Variants in DCAF8L2 observed in about 807,000 individuals in gnomAD.
The protein encoded by DCAF8L2 is DDB1 and CUL4 associated factor 8 like 2.
For missense variants in DCAF8L2, 430 were observed against 490.7 expected (o/e 0.88, Z 1.17); for synonymous variants, 200 against 190.9 (o/e 1.05, Z -0.39).
chrX:27,633,025 G>A (rs1295413179), intron 2 of DCAF8L2: 1 of 111,633 alleles, frequency 9.0e-6, no homozygotes, highest in Non-Finnish European at 1.9e-5. Context: ...AATGAAGTCC[G>A]TATATCTATG....
the DCAF8L2 span, among the ~76,000 whole-genome samples, chrX:27,555,245 A>G: frequency 2.7e-5 from 3 of 112,215 alleles, no homozygotes; most frequent in South Asian, 1.1e-3. Context: ...CAGAGGCCCA[A>G]CAGAAAAAAA....
At chrX:27,620,402 A>G (rs1361419067) in intron 1 of DCAF8L2, among the ~76,000 whole-genome samples, 10 of 112,084 alleles carry the variant, frequency 8.9e-5, no homozygotes, top group African/African-American at 2.6e-4. Flanking sequence ...AAAATTTAGT[A>G]TATCAACAAA....
intron 2 of DCAF8L2, among the ~76,000 whole-genome samples, chrX:27,662,704 A>G (rs1929597831): frequency 8.9e-6 from 1 of 111,779 alleles, no homozygotes; most frequent in African/African-American, 3.2e-5. Flanking sequence ...TTGTTTCAAA[A>G]TAAATGATTT....
chrX:27,632,546 T>C (rs1313172563), intron 2 of DCAF8L2: 1 of 111,610 alleles, frequency 9.0e-6, no homozygotes, highest in African/African-American at 3.3e-5. Flanking sequence ...ACACGAGGCA[T>C]TTTAGGGTCT....
At chrX:27,670,797 A>G (rs1240017034) in intron 2 of DCAF8L2, among the ~76,000 whole-genome samples, 1 of 110,698 alleles carries the variant, frequency 9.0e-6, no homozygotes, top group African/African-American at 3.3e-5. Flanking sequence ...TATTGGAAAG[A>G]GCCTGACCTC....
At chrX:27,623,497 G>T (rs1228580056) in intron 1 of DCAF8L2, among the ~76,000 whole-genome samples, 1 of 110,272 alleles carries the variant, frequency 9.1e-6, no homozygotes, top group Admixed American at 9.7e-5. Context: ...TAAAAGAGAA[G>T]TTTTTGAGGG....
chrX:27,500,730 A>G, the DCAF8L2 span, among the ~76,000 whole-genome samples: 22,122 of 110,981 alleles, frequency 0.2, 1,882 homozygotes, highest in East Asian at 0.37. Context: ...AGTTTCTTGT[A>G]TTAACTGTTA....
At chrX:27,571,430 G>T in the DCAF8L2 span, among the ~76,000 whole-genome samples, 1 of 111,685 alleles carries the variant, frequency 9.0e-6, no homozygotes, top group African/African-American at 3.2e-5. Flanking sequence ...TATAATCAGT[G>T]CTAGAGTTCT....
the DCAF8L2 span, among the ~76,000 whole-genome samples, chrX:27,542,532 ACT>A: frequency 5.1e-3 from 297 of 58,447 alleles, 4 homozygotes; most frequent in South Asian, 0.014. Flanking sequence ...TCCTTTGCCT[ACT>A]TTTTTTTTTT....
chrX:27,629,264 T>C (rs1053189863), intron 1 of DCAF8L2, among the ~76,000 whole-genome samples: 1 of 111,823 alleles, frequency 8.9e-6, no homozygotes, highest in Non-Finnish European at 1.9e-5. Context: ...TTTGGTGTCA[T>C]AGCCAATAAC....
the DCAF8L2 span, among the ~76,000 whole-genome samples, chrX:27,523,409 AGTGTGTGTGTGTGT>A: frequency 3.2e-4 from 31 of 96,530 alleles, 1 homozygote; most frequent in East Asian, 9.6e-3. Context: ...CTGTCTACTG[AGTGTGTGTGTGTGT>A]GTGTGTGTGT....
At chrX:27,678,644 A>G (rs756440089) in intron 3 of DCAF8L2, among the ~76,000 whole-genome samples, 2 of 111,806 alleles carry the variant, frequency 1.8e-5, no homozygotes, top group South Asian at 7.4e-4. Flanking sequence ...ACAACAGGCA[A>G]ATTTGTAGAG....
rs971230784 is a variant in DCAF8L2 at position 27,677,886 on chromosome X, A to C, written c.-169A>C. ...CATATCACATGTGAACTTTCTGACC[A>C]TACTGTGGAGCGGTGCTAATAAGGA... On this transcript the variant is annotated 5_prime_UTR_variant, in exon 3 of 5. Coordinates refer to ENST00000451261, the MANE Select transcript of DCAF8L2 (RefSeq NM_001353450.2). 1.8e-5 allele frequency: 2 copies of C among 112,033 alleles called. No individual in the cohort carries two copies. The highest frequency in any genetic ancestry group is 3.8e-5 in the Non-Finnish European group (2 of 53,145). The allele number at this position is 112,033 out of a possible 1,213,427, so 9.2% of individuals were successfully genotyped here.
the DCAF8L2 span, among the ~76,000 whole-genome samples, chrX:27,540,273 A>T: frequency 8.9e-6 from 1 of 111,785 alleles, no homozygotes; most frequent in Non-Finnish European, 1.9e-5. Flanking sequence ...GGTAAATTTA[A>T]CAACATTTAC....
intron 3 of DCAF8L2, among the ~76,000 whole-genome samples, chrX:27,690,792 T>A (rs1016558525): frequency 2.7e-5 from 3 of 111,736 alleles, no homozygotes; most frequent in Non-Finnish European, 5.6e-5. Flanking sequence ...CCTACACATT[T>A]AGTAGTCACT....
chrX:27,618,879 T>A (rs1280374044), intron 1 of DCAF8L2, among the ~76,000 whole-genome samples: 1 of 111,215 alleles, frequency 9.0e-6, no homozygotes, highest in Non-Finnish European at 1.9e-5. Flanking sequence ...GGAAAAGGTT[T>A]AGTTTTTTTT....
chrX:27,639,393 T>G (rs1343381371), intron 2 of DCAF8L2, among the ~76,000 whole-genome samples: 1 of 111,801 alleles, frequency 8.9e-6, no homozygotes, highest in Non-Finnish European at 1.9e-5. Flanking sequence ...CGACTATAGT[T>G]AATAATAACT....
At chrX:27,659,057 C>CA (rs1929460060) in intron 2 of DCAF8L2, among the ~76,000 whole-genome samples, 1 of 111,527 alleles carries the variant, frequency 9.0e-6, no homozygotes, top group Non-Finnish European at 1.9e-5. Context: ...GTGGGAGTCT[C>CA]AAATGTACCC....
At chrX:27,542,863 T>A in the DCAF8L2 span, among the ~76,000 whole-genome samples, 1 of 111,327 alleles carries the variant, frequency 9.0e-6, no homozygotes, top group Non-Finnish European at 1.9e-5. Context: ...TTGTTTAAAT[T>A]CCTTATAGAT....
Sources: gnomAD v4.1 joint callset for allele counts (sites outside exome capture counted in the v4.1 genomes callset) on GRCh38, gnomAD v4.1.1 for gene constraint, MANE v1.5 for transcripts, NCBI Gene and HGNC (gene_info 2026-07-23, HGNC 2026-07-21) for gene names.